RAPH1: variants seen among roughly 807,000 people sequenced by gnomAD.
RAPH1 encodes Ras association (RalGDS/AF-6) and pleckstrin homology domains 1, also known as ras-associated and pleckstrin homology domains-containing protein 1.
RAPH1 carries 18 observed loss-of-function variants against 88.1 expected under a neutral mutation model. That is an observed-to-expected ratio of 0.20 (90% CI 0.14 to 0.30). The LOEUF is 0.30. Among genes scored for constraint, RAPH1 ranks in the 10% least tolerant of loss-of-function variants. RAPH1 has a pLI of 1.00. For missense variants in RAPH1, 1,448 were observed against 1,543.2 expected (o/e 0.94, Z 1.03); for synonymous variants, 587 against 559.0 (o/e 1.05, Z -0.71).
chr2:203,442,039 A>G, intron 13 of RAPH1: 1 of 1,581,888 alleles, frequency 6.3e-7, no homozygotes, highest in East Asian at 2.3e-5. Flanking sequence ...ACAGAAGTCC[A>G]GCAATGCAGG....
At chr2:203,506,730 A>ATATATATATCTATATATATC (rs1559493946) in intron 1 of RAPH1, among the ~76,000 whole-genome samples, 3 of 128,834 alleles carry the variant, frequency 2.3e-5, no homozygotes, top group African/African-American at 1.1e-4. Flanking sequence ...AAATCCATAT[A>ATATATATATCTATATATATC]TAGATATATA....
intron 1 of RAPH1, among the ~76,000 whole-genome samples, chr2:203,519,687 C>T (rs1689778356): frequency 6.6e-6 from 1 of 151,912 alleles, no homozygotes; most frequent in Non-Finnish European, 1.5e-5. Context: ...AATAAAAACC[C>T]AACCATGATA....
chr2:203,529,456 G>C (rs1690288748), intron 1 of RAPH1, among the ~76,000 whole-genome samples: 1 of 152,168 alleles, frequency 6.6e-6, no homozygotes, highest in African/African-American at 2.4e-5. Flanking sequence ...CCACCTCCCA[G>C]ATTCAAGCAA....
At chr2:203,473,893 T>G (rs1196540590) in intron 4 of RAPH1, among the ~76,000 whole-genome samples, 1 of 152,198 alleles carries the variant, frequency 6.6e-6, no homozygotes, top group African/African-American at 2.4e-5. Context: ...AACCATTTTT[T>G]AGGCTCCAAC....
intron 4 of RAPH1, among the ~76,000 whole-genome samples, chr2:203,468,402 T>C (rs1294559402): frequency 6.6e-6 from 1 of 152,172 alleles, no homozygotes; most frequent in Non-Finnish European, 1.5e-5. Context: ...TTGACTTATG[T>C]ACATGGAACA....
chr2:203,512,147 CA>C (rs1320463016), intron 1 of RAPH1, among the ~76,000 whole-genome samples: 1 of 150,550 alleles, frequency 6.6e-6, no homozygotes, highest in Non-Finnish European at 1.5e-5. Flanking sequence ...GAATATGGGC[CA>C]GGGGTGGTGG....
chr2:203,482,821 CAAAACAAAACA>C (rs1321224844), intron 4 of RAPH1, among the ~76,000 whole-genome samples: 2 of 143,706 alleles, frequency 1.4e-5, no homozygotes, highest in African/African-American at 5.9e-5. Flanking sequence ...CAAAACAAAA[CAAAACAAAACA>C]AAAAAAAGGT....
At chr2:203,463,434 T>A (rs1326721768) in intron 4 of RAPH1, among the ~76,000 whole-genome samples, 1 of 152,206 alleles carries the variant, frequency 6.6e-6, no homozygotes, top group East Asian at 1.9e-4. Flanking sequence ...TTGGCTTTCT[T>A]ATTTATGAAC....
chr2:203,514,850 G>A (rs1689526362), intron 1 of RAPH1, among the ~76,000 whole-genome samples: 1 of 152,074 alleles, frequency 6.6e-6, no homozygotes, highest in Non-Finnish European at 1.5e-5. Flanking sequence ...CACCGCACCT[G>A]GCCAAATTTG....
chr2:203,472,133 T>A (rs1387345287), intron 4 of RAPH1, among the ~76,000 whole-genome samples: 5 of 151,478 alleles, frequency 3.3e-5, no homozygotes. Flanking sequence ...AGTTCTTTTT[T>A]TTTTTTTTTA....
intron 4 of RAPH1, among the ~76,000 whole-genome samples, chr2:203,481,530 C>A (rs1468056961): frequency 6.9e-6 from 1 of 145,442 alleles, no homozygotes; most frequent in African/African-American, 2.5e-5. Context: ...AAAACTATTT[C>A]TTTTTGTTTT....
chr2:203,459,134 G>C (rs965320739), intron 7 of RAPH1, among the ~76,000 whole-genome samples: 1 of 152,186 alleles, frequency 6.6e-6, no homozygotes, highest in Non-Finnish European at 1.5e-5. Flanking sequence ...CTCCCAAAGT[G>C]CTGGGATTAC....
chr2:203,440,667 G>C lies in RAPH1; in HGVS notation c.2523C>G (p.Pro841=). 1 of 1,569,152 alleles carries C rather than the reference G, an allele frequency of 6.4e-7. No individual in the cohort carries two copies. Among genetic ancestry groups the C allele is most frequent in the South Asian group, 1.2e-5 (1 of 83,244 alleles). ...GTTTTGCACAGAAGCTCTGTTGCTT[G>C]GGTAATGTTGGCGGGGGTACTGGAA... The part of the protein sequence containing the change: ...PPVPVPPPTL[P]KQQSFCAKPP... Residue 841 remains proline (P), a synonymous_variant, in exon 14 of 14, where the codon CCC becomes CCG. Transcript: ENST00000319170.
chr2:203,486,639 C>T (rs937788983), intron 4 of RAPH1, among the ~76,000 whole-genome samples: 9 of 152,124 alleles, frequency 5.9e-5, no homozygotes, highest in Non-Finnish European at 1.0e-4. Flanking sequence ...GATAGTTTTC[C>T]GTAACATATC....
At position 203,506,876 on chromosome 2, in the gene RAPH1, A is replaced by ATATC. The variant is rs1559495013; in HGVS notation, c.1-11524_1-11523insGATA. ...TATATCTATATATATATATATATAT[A>ATATC]TATAGATATATATATATATATATTT... On this transcript the variant is annotated intron_variant, in intron 1 of 13. Transcript: ENST00000319170. Among the ~76,000 whole-genome samples, 93 of 90,368 alleles carry ATATC rather than the reference A, an allele frequency of 1.0e-3. 15 individuals are homozygous for ATATC. The highest frequency in any genetic ancestry group is 4.6e-3 in the African/African-American group (91 of 19,802). 59.3% of individuals were successfully genotyped at this position (90,368 alleles called of 152,430 possible).
Position 203,439,929 on chromosome 2 carries a change from A to G in RAPH1, c.3261T>C (p.Ile1087=). The change falls in exon 14 of 14, where the codon ATT becomes ATC. Residue 1087 remains isoleucine (I), a synonymous_variant. Transcript: ENST00000319170. ...PPETELPLPP[I]EIPAVFSGNT... ...TTCCCGAGAAAACTGCTGGAATCTC[A>G]ATGGGGGGCAGAGGAAGCTCTGTTT... The G allele has an allele frequency of 6.2e-7, 1 of 1,613,096 alleles. No individual in the cohort carries two copies. The highest frequency in any genetic ancestry group is 2.2e-5 in the East Asian group (1 of 44,850).
chr2:203,439,882 A>G lies in RAPH1; in HGVS notation c.3308T>C (p.Val1103Ala), dbSNP rs139015984. 405 of 1,613,778 alleles carry G rather than the reference A, an allele frequency of 2.5e-4. No individual in the cohort carries two copies. Among genetic ancestry groups the G allele is most frequent in the Non-Finnish European group, 3.4e-4 (398 of 1,179,998 alleles). ...CCATTGTTGTGGTTGAGGATTAACG[A>G]CTGCCACTTTTGGAGAGGTGTTTCC... ...FSGNTSPKVA[V>A]VNPQPQQWSK... The change falls in exon 14 of 14, where the codon GTC (valine) becomes GCC (alanine). Residue 1103 changes from valine (V) to alanine (A), a missense_variant. By Grantham distance (64) the Val-to-Ala change is moderately conservative. Coordinates refer to ENST00000319170, the MANE Select transcript of RAPH1 (RefSeq NM_213589.3).
intron 1 of RAPH1, among the ~76,000 whole-genome samples, chr2:203,528,194 GCAT>G (rs1234076603): frequency 6.6e-6 from 1 of 151,964 alleles, no homozygotes; most frequent in Non-Finnish European, 1.5e-5. Flanking sequence ...CATGGTTAAT[GCAT>G]CTGTACCTTA....
At chr2:203,517,908 A>G (rs1342455833) in intron 1 of RAPH1, among the ~76,000 whole-genome samples, 2 of 152,212 alleles carry the variant, frequency 1.3e-5, no homozygotes, top group African/African-American at 4.8e-5. Context: ...TGTCTGCATT[A>G]GAAAAGAGGA....
Sources: gnomAD v4.1 joint callset for allele counts (sites outside exome capture counted in the v4.1 genomes callset) on GRCh38, gnomAD v4.1.1 for gene constraint, MANE v1.5 for transcripts, NCBI Gene and HGNC (gene_info 2026-07-23, HGNC 2026-07-21) for gene names.